The following PTPRN2 variants were observed in gnomAD, a reference collection of about 807,000 sequenced individuals.
PTPRN2 encodes protein tyrosine phosphatase receptor type N2, also known as receptor-type tyrosine-protein phosphatase N2.
PTPRN2 carries 74 observed loss-of-function variants against 118.8 expected under a neutral mutation model. The ratio of observed to expected loss-of-function variants is 0.62; its 90% confidence interval spans 0.52 to 0.76. The LOEUF (loss-of-function observed/expected upper bound fraction) is 0.76, where lower values mean the gene tolerates loss of function less well. PTPRN2 is among the 30% of genes least tolerant of loss of function. The pLI, the probability that PTPRN2 is intolerant of heterozygous loss-of-function variation, is 0.00. For synonymous variants in PTPRN2, 641 were observed against 608.0 expected (o/e 1.05, Z -0.80); for missense variants, 1,481 against 1,394.4 (o/e 1.06, Z -0.99).
chr7:157,649,031 C>G (rs1292352481), intron 14 of PTPRN2, among the ~76,000 whole-genome samples: 3 of 141,734 alleles, frequency 2.1e-5, no homozygotes, highest in African/African-American at 5.2e-5. Flanking sequence ...GTGCACTGAA[C>G]TCGGTGGGTT....
intron 12 of PTPRN2, among the ~76,000 whole-genome samples, chr7:157,718,206 T>C (rs562875464): frequency 6.6e-6 from 1 of 152,372 alleles, no homozygotes; most frequent in African/African-American, 2.4e-5. Context: ...ACAATTTGAA[T>C]GAACGTGGCA....
chr7:158,404,923 C>A (rs1319735240), intron 2 of PTPRN2, among the ~76,000 whole-genome samples: 1 of 140,984 alleles, frequency 7.1e-6, no homozygotes, highest in Non-Finnish European at 1.6e-5. Flanking sequence ...CTCCCTGGCT[C>A]CCAGCTCCCC....
intron 11 of PTPRN2, among the ~76,000 whole-genome samples, chr7:158,047,133 T>C (rs1305261783): frequency 6.6e-6 from 1 of 152,202 alleles, no homozygotes; most frequent in East Asian, 1.9e-4. Flanking sequence ...GAGCATTTGC[T>C]GAGTGCAGAC....
rs932617482 is a variant in PTPRN2, at chr7:158,161,271, C to T, written c.910+5660G>A. On this transcript the variant is annotated intron_variant, in intron 6 of 22. Transcript: ENST00000389418. The stretch of plus-strand genomic sequence containing the variant: ...GTGACCCATAACAGCCAACACAATA[C>T]TGAAGAAGAACAAAGGCGGAGGACA... Among the ~76,000 whole-genome samples, 20 of 152,286 alleles carry T rather than the reference C, an allele frequency of 1.3e-4. No homozygotes were observed. The East Asian group carries it at 3.9e-3, about 29-fold the overall frequency.
At chr7:157,743,315 G>C (rs1417114738) in intron 12 of PTPRN2, among the ~76,000 whole-genome samples, 1 of 152,144 alleles carries the variant, frequency 6.6e-6, no homozygotes, top group African/African-American at 2.4e-5. Context: ...GCTTGGACCT[G>C]CCTGAATCCT....
Position 158,451,815 on chromosome 7 carries a change from T to C in PTPRN2, c.163+37920A>G, listed in dbSNP as rs1264347508. On this transcript the variant is annotated intron_variant, in intron 2 of 22. Coordinates refer to ENST00000389418, the MANE Select transcript of PTPRN2 (RefSeq NM_002847.5). ...ATGTGAATTTTAATTTCCTTAGATA[T>C]TGGGCTGTCTTCCTTAAAAAAATTA... 2.0e-5 allele frequency among the ~76,000 whole-genome samples: 3 copies of C among 152,244 alleles called. No individual in the cohort carries two copies. In the East Asian group the frequency reaches 5.8e-4, roughly 29 times the overall value.
At chr7:157,803,234 G>C (rs757968057) in intron 12 of PTPRN2, among the ~76,000 whole-genome samples, 1 of 152,064 alleles carries the variant, frequency 6.6e-6, no homozygotes, top group Non-Finnish European at 1.5e-5. Context: ...CAAAGTGCTG[G>C]GATTATAGGT....
intron 1 of PTPRN2, 86 bp downstream of exon 1, chr7:158,587,444 CCGACCCCTCAGGGTGGCGCCTCTCCCCA>C: frequency 2.0e-6 from 1 of 507,402 alleles, no homozygotes; most frequent in Non-Finnish European, 2.4e-6. Flanking sequence ...GCCTCTCCCC[CCGACCCCTCAGGGTGGCGCCTCTCCCCA>C]CCCAGACCCC....
intron 2 of PTPRN2, among the ~76,000 whole-genome samples, chr7:158,387,578 G>GGGGGCTGTGGCAT (rs1563230352): frequency 6.4e-3 from 109 of 16,922 alleles, no homozygotes; most frequent in East Asian, 7.9e-3. Context: ...TGTCAGCTCA[G>GGGGGCTGTGGCAT]CTTGGCCCGG....
chr7:157,683,501 G>A (rs1177903832), intron 12 of PTPRN2, among the ~76,000 whole-genome samples: 4 of 152,212 alleles, frequency 2.6e-5, no homozygotes, highest in Admixed American at 2.6e-4. Context: ...CTTGAAAGGC[G>A]AGCGCTGGTC....
chr7:158,134,693 G>A (rs1226266896), intron 8 of PTPRN2, among the ~76,000 whole-genome samples: 1 of 152,074 alleles, frequency 6.6e-6, no homozygotes, highest in South Asian at 2.1e-4. Flanking sequence ...CCTCACACGG[G>A]CTACAGTCTC....
intron 12 of PTPRN2, among the ~76,000 whole-genome samples, chr7:157,720,944 G>A (rs975314241): frequency 6.6e-6 from 1 of 152,290 alleles, no homozygotes; most frequent in Admixed American, 6.5e-5. Flanking sequence ...GTTGAGGAAG[G>A]TCTCATTACT....
intron 2 of PTPRN2, among the ~76,000 whole-genome samples, chr7:158,453,608 T>TGGGTGTGGG (rs71200025): frequency 0.52 from 79,418 of 151,800 alleles, 21,037 homozygotes; most frequent in Non-Finnish European, 0.55. Flanking sequence ...CTGTTGCCCC[T>TGGGTGTGGG]GGGTGAGCTC....
chr7:157,904,610 C>CG (rs34347727), intron 11 of PTPRN2, among the ~76,000 whole-genome samples: 1 of 152,246 alleles, frequency 6.6e-6, no homozygotes, highest in African/African-American at 2.4e-5. Context: ...GAGTGCTTTT[C>CG]GGGGGCGTCT....
intron 12 of PTPRN2, among the ~76,000 whole-genome samples, chr7:157,767,414 C>G (rs1453824094): frequency 6.6e-6 from 1 of 152,230 alleles, no homozygotes; most frequent in Admixed American, 6.5e-5. Flanking sequence ...CTTTCTCTCT[C>G]CTTCTACCTT....
rs540649308 is a variant in PTPRN2, at chr7:158,161,304, C to G, written c.910+5627G>C. On this transcript the variant is annotated intron_variant, in intron 6 of 22. Transcript: ENST00000389418. ...GAACAAAGGCGGAGGACAACAGCACCCATCATTAGGATGCACTACACCCAT... is the reference window on the plus strand; with the variant it reads ...GAACAAAGGCGGAGGACAACAGCACGCATCATTAGGATGCACTACACCCAT... 2.6e-5 allele frequency among the ~76,000 whole-genome samples: 4 copies of G among 152,238 alleles called. No homozygotes were observed. In the South Asian group the frequency reaches 8.3e-4, roughly 32 times the overall value.
Position 157,978,915 on chromosome 7 carries a change from A to C in PTPRN2, c.1724-80178T>G, listed in dbSNP as rs141025268. Among the ~76,000 whole-genome samples, 595 of 152,048 alleles carry C rather than the reference A, an allele frequency of 3.9e-3. 6 individuals carry two copies. The highest frequency in any genetic ancestry group is 0.014 in the African/African-American group (566 of 41,524). On this transcript the variant is annotated intron_variant, in intron 11 of 22. Transcript: ENST00000389418. ...AGACATCCCCTGGGCCTTCCTGGCG[A>C]CTCACAAGGCTGGATGTTCTTGTCT...
rs1370868549 is a variant in PTPRN2, at chr7:157,800,436, A to G, written c.1788+98237T>C. On this transcript the variant is annotated intron_variant, in intron 12 of 22. Transcript: ENST00000389418. The stretch of plus-strand genomic sequence containing the variant: ...CCGCTGCGCTCCCAGCTCCTACAAC[A>G]GTGTCTGGCCCCTCAAAGCGACTCA... 3.3e-5 allele frequency among the ~76,000 whole-genome samples: 5 copies of G among 152,210 alleles called. No homozygotes were observed. In the East Asian group the frequency reaches 9.7e-4, roughly 30 times the overall value.
rs1029264738 is a variant in PTPRN2, at chr7:158,526,371, C to G, written c.113-36586G>C. Among the ~76,000 whole-genome samples the G allele has an allele frequency of 2.0e-5, 3 of 152,206 alleles. No homozygotes were observed. The highest frequency in any genetic ancestry group is 4.4e-5 in the Non-Finnish European group (3 of 68,042). On this transcript the variant is annotated intron_variant, in intron 1 of 22. Coordinates refer to ENST00000389418, the MANE Select transcript of PTPRN2 (RefSeq NM_002847.5). This position sits in a 1 kb window ranked among gnomAD's most constrained non-coding sequence, Gnocchi z 5.2. Reference sequence around the variant, plus strand: ...CTGCAGAGATAACCAGGTAGAGCCACGCTCACGAGAACCACCAGCCACTCT... The same window carrying G: ...CTGCAGAGATAACCAGGTAGAGCCAGGCTCACGAGAACCACCAGCCACTCT...
Sources: allele counts gnomAD v4.1 joint callset (sites outside exome capture counted in the v4.1 genomes callset), GRCh38; gene constraint gnomAD v4.1.1; non-coding constraint Gnocchi (gnomAD v3.1); transcripts MANE v1.5; gene names NCBI Gene and HGNC (gene_info 2026-07-23, HGNC 2026-07-21).